The following XKR6 variants were observed in gnomAD, a reference collection of about 807,000 sequenced individuals.
XKR6 encodes the protein XK related 6.
A neutral mutation model predicts 56.7 loss-of-function variants in XKR6; 22 were observed. The ratio of observed to expected loss-of-function variants is 0.39; its 90% CI spans 0.28 to 0.55. The LOEUF (loss-of-function observed/expected upper bound fraction) is 0.55, where lower values mean the gene tolerates loss of function less well. Ranked by LOEUF, XKR6 falls within the 20% of genes least tolerant of loss-of-function variation. The probability of loss-of-function intolerance (pLI) is 0.66; values close to 1 mark genes in which losing one functional copy is unlikely to be tolerated. For missense variants in XKR6, 852 were observed against 889.0 expected, an observed-to-expected ratio of 0.96 and a Z score of 0.53; for synonymous variants, 524 against 387.8, an observed-to-expected ratio of 1.35 and a Z score of -4.13.
At chr8:11,127,245 G>A (rs1799852732) in intron 1 of XKR6, among the ~76,000 whole-genome samples, 2 of 152,176 alleles carry the variant, frequency 1.3e-5, no homozygotes, top group South Asian at 4.1e-4. Flanking sequence ...ACAAGCTCTG[G>A]AGTCACACTG....
At chr8:10,944,582 T>C (rs180809694) in intron 1 of XKR6, among the ~76,000 whole-genome samples, 52 of 152,300 alleles carry the variant, frequency 3.4e-4, no homozygotes, top group African/African-American at 1.2e-3. Context: ...TCAAAGGGCC[T>C]GCAGAAATAG....
At chr8:10,955,903 G>A (rs1001378037) in intron 1 of XKR6, among the ~76,000 whole-genome samples, 1 of 152,248 alleles carries the variant, frequency 6.6e-6, no homozygotes, top group African/African-American at 2.4e-5. Context: ...TGCTGAGAGG[G>A]AAGCTGTGGC....
intron 1 of XKR6, among the ~76,000 whole-genome samples, chr8:11,040,515 G>A (rs753607226): frequency 6.6e-5 from 10 of 152,220 alleles, no homozygotes; most frequent in African/African-American, 1.2e-4. Flanking sequence ...CTGGGTGACC[G>A]TGCAATCCTG....
At chr8:11,119,579 T>C (rs192966233) in intron 1 of XKR6, among the ~76,000 whole-genome samples, 1 of 152,224 alleles carries the variant, frequency 6.6e-6, no homozygotes, top group Non-Finnish European at 1.5e-5. Flanking sequence ...TTGTCTCTTT[T>C]GATCTTTGTT....
chr8:11,201,312 C>A lies in XKR6; in HGVS notation c.28G>T (p.Val10Leu), dbSNP rs1292161670. Residue 10 changes from valine (V) to leucine (L), a missense_variant, in exon 1 of 3, where the codon GTG (valine) becomes TTG (leucine). Coordinates refer to ENST00000416569, the MANE Select transcript of XKR6 (RefSeq NM_173683.4). ...TGCAGCTGAGCGAAGCCCACCCCCA[C>A]GCCACCGCCATCGGATTTCGCCGCC... Reference protein sequence around the residue: MAAKSDGGGVGVGFAQLHNL... With the variant: MAAKSDGGGLGVGFAQLHNL... 3.8e-6 allele frequency: 6 copies of A among 1,577,968 alleles called. No homozygotes were observed. Among genetic ancestry groups the A allele is most frequent in the South Asian group, 1.1e-5 (1 of 89,086 alleles).
At chr8:11,010,746 T>C (rs940140871) in intron 1 of XKR6, among the ~76,000 whole-genome samples, 2 of 152,076 alleles carry the variant, frequency 1.3e-5, no homozygotes, top group Non-Finnish European at 2.9e-5. Flanking sequence ...CTTTACTACC[T>C]TTTTTTCTAA....
chr8:10,980,411 A>C (rs1797701772), intron 1 of XKR6, among the ~76,000 whole-genome samples: 1 of 152,202 alleles, frequency 6.6e-6, no homozygotes, highest in South Asian at 2.1e-4. Flanking sequence ...CAGGGGATTG[A>C]TCTAACCTGG....
chr8:11,167,099 G>A (rs747468666), intron 1 of XKR6, among the ~76,000 whole-genome samples: 9 of 152,080 alleles, frequency 5.9e-5, no homozygotes, highest in South Asian at 4.2e-4. Context: ...GGGAGATGTC[G>A]AAAAAATGTC....
At chr8:11,055,325 T>A (rs187712941) in intron 1 of XKR6, among the ~76,000 whole-genome samples, 1 of 151,856 alleles carries the variant, frequency 6.6e-6, no homozygotes, top group Non-Finnish European at 1.5e-5. Flanking sequence ...GGAGGAGGCA[T>A]CTGATCAGAT....
intron 1 of XKR6, among the ~76,000 whole-genome samples, chr8:11,169,356 A>G (rs1233862482): frequency 6.6e-6 from 1 of 152,184 alleles, no homozygotes; most frequent in Non-Finnish European, 1.5e-5. Flanking sequence ...CATTGGTGAC[A>G]CTCTAACAGT....
At chr8:11,196,174 T>C (rs959209924) in intron 1 of XKR6, among the ~76,000 whole-genome samples, 2 of 152,238 alleles carry the variant, frequency 1.3e-5, no homozygotes, top group Non-Finnish European at 2.9e-5. Flanking sequence ...CACAAAATCT[T>C]AGCATTAGAG....
At chr8:11,098,521 A>T (rs994047520) in intron 1 of XKR6, among the ~76,000 whole-genome samples, 1 of 152,152 alleles carries the variant, frequency 6.6e-6, no homozygotes, top group Non-Finnish European at 1.5e-5. Flanking sequence ...GTAATTTCAC[A>T]ACTGGGACAG....
intron 1 of XKR6, among the ~76,000 whole-genome samples, chr8:11,195,749 C>T (rs1261465701): frequency 2.6e-5 from 4 of 151,220 alleles, no homozygotes; most frequent in Middle Eastern, 3.4e-3. Context: ...CCCGGGTTGA[C>T]GCCATTCTCC....
intron 1 of XKR6, among the ~76,000 whole-genome samples, chr8:11,196,145 AATATTACCATTC>A (rs1351368139): frequency 6.6e-6 from 1 of 152,082 alleles, no homozygotes; most frequent in African/African-American, 2.4e-5. Flanking sequence ...CTAAATATTG[AATATTACCATTC>A]TTAAACCACA....
intron 1 of XKR6, among the ~76,000 whole-genome samples, chr8:11,198,723 A>G (rs1242273448): frequency 6.6e-6 from 1 of 152,172 alleles, no homozygotes; most frequent in Non-Finnish European, 1.5e-5. Flanking sequence ...ATTCCATTAG[A>G]AACAGTTCTC....
intron 1 of XKR6, among the ~76,000 whole-genome samples, chr8:11,065,554 A>G (rs1216300757): frequency 2.1e-5 from 3 of 144,122 alleles, no homozygotes; most frequent in Non-Finnish European, 3.0e-5. Context: ...TTTTTCTTTC[A>G]CTCTATTTGC....
At chr8:11,000,506 T>C (rs941849046) in intron 1 of XKR6, among the ~76,000 whole-genome samples, 2 of 152,118 alleles carry the variant, frequency 1.3e-5, no homozygotes, top group Admixed American at 6.5e-5. Context: ...GCCAGCATGG[T>C]GAAACCCCCG....
chr8:11,132,618 T>G (rs1164363045), intron 1 of XKR6, among the ~76,000 whole-genome samples: 1 of 152,058 alleles, frequency 6.6e-6, no homozygotes, highest in Admixed American at 6.6e-5. Flanking sequence ...CACCTCGATC[T>G]CCCAAAGTGC....
chr8:10,981,487 C>A (rs767775582), intron 1 of XKR6, among the ~76,000 whole-genome samples: 2 of 152,146 alleles, frequency 1.3e-5, no homozygotes, highest in Non-Finnish European at 2.9e-5. Context: ...CAGAAAGTTG[C>A]CAGATCTCTC....
Sources: gnomAD v4.1 joint callset for allele counts (sites outside exome capture counted in the v4.1 genomes callset) on GRCh38, gnomAD v4.1.1 for gene constraint, MANE v1.5 for transcripts, NCBI Gene and HGNC (gene_info 2026-07-23, HGNC 2026-07-21) for gene names.